NCBP3: variants seen among roughly 807,000 people sequenced by gnomAD.
The protein encoded by NCBP3 is nuclear cap binding subunit 3.
In NCBP3, 20 loss-of-function variants were observed where a neutral mutation model predicts 75.7. The observed-to-expected ratio is 0.26, with a 90% CI of 0.19 to 0.38. The LOEUF (loss-of-function observed/expected upper bound fraction) is 0.38. Ranked by LOEUF, NCBP3 falls within the 10% of genes least tolerant of loss-of-function variation. The pLI is 1.00. For missense variants in NCBP3, 678 were observed against 796.9 expected, an observed-to-expected ratio of 0.85 and a Z score of 1.80; for synonymous variants, 293 against 290.5, an observed-to-expected ratio of 1.01 and a Z score of -0.09.
At chr17:3,822,412 A>AC (rs2053685439) in intron 7 of NCBP3, 1 of 168,842 alleles carries the variant, frequency 5.9e-6, no homozygotes, top group Admixed American at 6.3e-5. Flanking sequence ...CATTTTTGCC[A>AC]CCCCATGAAA....
rs184926481 is a variant in NCBP3 at position 3,835,269 on chromosome 17, T to C, written c.355+4831A>G. ...GAAAGACTGTTCTGATGGGCACAAT[T>C]CCTGGGGAAAAGACCTAAGTGCTTT... On this transcript the variant is annotated intron_variant, in intron 3 of 12. Transcript: ENST00000389005. 1.7e-3 allele frequency among the ~76,000 whole-genome samples: 261 copies of C among 152,342 alleles called. 1 individual carries two copies. The highest frequency in any genetic ancestry group is 5.8e-3 in the African/African-American group (241 of 41,570).
rs2053442228 is a variant in NCBP3, at chr17:3,812,736, C to T, written c.*308G>A. On this transcript the variant is annotated 3_prime_UTR_variant, in exon 13 of 13. Transcript: ENST00000389005. ...TGTAAAACATTTCTTTTAAAAGACACAATGTTAAAAATATTAAGAAAAATG... is the reference window on the plus strand; with the variant it reads ...TGTAAAACATTTCTTTTAAAAGACATAATGTTAAAAATATTAAGAAAAATG... 8.4e-7 allele frequency: 1 copy of T among 1,185,916 alleles called. No homozygotes were observed. Among genetic ancestry groups the T allele is most frequent in the Non-Finnish European group, 1.1e-6 (1 of 950,240 alleles). 73.5% of individuals were successfully genotyped at this position (1,185,916 alleles called of 1,614,324 possible).
chr17:3,844,803 T>C (rs913599507), intron 1 of NCBP3, among the ~76,000 whole-genome samples: 11 of 152,156 alleles, frequency 7.2e-5, no homozygotes, highest in African/African-American at 2.6e-4. Flanking sequence ...TGAGCCAAGA[T>C]CAGGCCATTG....
rs1353880534 is a variant in NCBP3 at position 3,804,947 on chromosome 17, G to C, written c.*8097C>G. On this transcript the variant is annotated 3_prime_UTR_variant, in exon 13 of 13. Transcript: ENST00000389005. Reference sequence around the variant, plus strand: ...ACCACCACAAACTCTCCTGCCTTCAGCTCTTTTGGTGTGTAGACTTTTTTT... The same window carrying C: ...ACCACCACAAACTCTCCTGCCTTCACCTCTTTTGGTGTGTAGACTTTTTTT... 1 of 152,208 alleles carries C rather than the reference G, an allele frequency of 6.6e-6. No individual in the cohort carries two copies. The highest frequency in any genetic ancestry group is 2.4e-5 in the African/African-American group (1 of 41,440). 9.4% of individuals were successfully genotyped at this position (152,208 alleles called of 1,614,324 possible).
chr17:3,822,917 T>C (rs1488651936), intron 7 of NCBP3: 2 of 152,234 alleles, frequency 1.3e-5, no homozygotes, highest in African/African-American at 4.8e-5. Context: ...GCAAGATGTT[T>C]TGTTGTGCCA....
At chr17:3,830,239 T>C (rs2053854427) in intron 3 of NCBP3, among the ~76,000 whole-genome samples, 1 of 152,204 alleles carries the variant, frequency 6.6e-6, no homozygotes, top group Non-Finnish European at 1.5e-5. Context: ...GCTCACGAAG[T>C]AGCTCACACG....
At chr17:3,826,000 T>C in intron 5 of NCBP3, 87 bp downstream of exon 5, 1 of 1,463,288 alleles carries the variant, frequency 6.8e-7, no homozygotes. Context: ...CACTTGGTGA[T>C]GAGATGCTAT....
Position 3,821,994 on chromosome 17 carries a change from A to T in NCBP3, c.855T>A (p.Asn285Lys). 6.2e-7 allele frequency: 1 copy of T among 1,613,292 alleles called. No homozygotes were observed. The highest frequency in any genetic ancestry group is 8.5e-7 in the Non-Finnish European group (1 of 1,179,634). The part of the protein sequence containing the change: ...RRSQYYMKYG[N>K]PNYGGMKGIL... ...TTCCTTTCATGCCTCCATAATTTGG[A>T]TTCCCATATTTCATGTAATACTGAC... The change falls in exon 8 of 13, where the codon AAT becomes AAA. Residue 285 changes from asparagine (N) to lysine (K), a missense_variant. Coordinates refer to ENST00000389005, the MANE Select transcript of NCBP3 (RefSeq NM_001114118.3).
Position 3,811,370 on chromosome 17 carries a change from A to C in NCBP3, c.*1674T>G, listed in dbSNP as rs1015364690. The C allele has an allele frequency of 6.6e-6, 1 of 152,196 alleles. No homozygotes were observed. The highest frequency in any genetic ancestry group is 2.4e-5 in the African/African-American group (1 of 41,438). The allele number at this position is 152,196 out of a possible 1,614,324, so 9.4% of individuals were successfully genotyped here. A position where few individuals can be genotyped will look rare whatever the true frequency, so the allele number is the denominator to read the frequency against. ...AGGGAAAGAAAAGCTGAGAAATCTC[A>C]GATGTCTTAAGTCTCAACTGGCAGA... On this transcript the variant is annotated 3_prime_UTR_variant, in exon 13 of 13. Transcript: ENST00000389005.
At chr17:3,826,468 T>C (rs1006080092) in intron 4 of NCBP3, among the ~76,000 whole-genome samples, 1 of 151,700 alleles carries the variant, frequency 6.6e-6, no homozygotes, top group African/African-American at 2.4e-5. Flanking sequence ...TGACACCCTG[T>C]CTCTACAAAA....
rs1567591781 is a variant in NCBP3, at chr17:3,832,424, A to AGG, written c.356-3057_356-3056insCC. On this transcript the variant is annotated intron_variant, in intron 3 of 12. Coordinates refer to ENST00000389005, the MANE Select transcript of NCBP3 (RefSeq NM_001114118.3). ...CGGGGCGGGCAGATCACAAGGTCAGATCGAGACCATCCTGGCCAACACGGT... is the reference window on the plus strand; with the variant it reads ...CGGGGCGGGCAGATCACAAGGTCAGAGGTCGAGACCATCCTGGCCAACACGGT... 6.0e-5 allele frequency among the ~76,000 whole-genome samples: 7 copies of AGG among 117,610 alleles called. 2 individuals carry two copies. The highest frequency in any genetic ancestry group is 1.2e-4 in the Non-Finnish European group (6 of 49,508). The allele number at this position is 117,610 out of a possible 152,430, so 77.2% of individuals were successfully genotyped here.
intron 4 of NCBP3, among the ~76,000 whole-genome samples, chr17:3,827,718 G>A (rs1395577202): frequency 6.6e-6 from 1 of 152,178 alleles, no homozygotes; most frequent in African/African-American, 2.4e-5. Context: ...TACAAGGTAG[G>A]TGAACTATGT....
At chr17:3,825,892 A>G (rs745834029) in intron 5 of NCBP3, 49 bp from the exon 6 acceptor site, 1 of 1,445,032 alleles carries the variant, frequency 6.9e-7, no homozygotes, top group Non-Finnish European at 9.5e-7. Context: ...AATATTTCAT[A>G]TAATGAGATA....
chr17:3,826,042 AAGAAGAGGACTTTC>A (rs1203820335), intron 5 of NCBP3, 31 bp downstream of exon 5: 2 of 1,536,124 alleles, frequency 1.3e-6, no homozygotes, highest in African/African-American at 1.4e-5. Flanking sequence ...GGACTGTGTA[AAGAAGAGGACTTTC>A]AGACCCCAGT....
Position 3,812,988 on chromosome 17 carries a change from C to T in NCBP3, c.*56G>A. On this transcript the variant is annotated 3_prime_UTR_variant, in exon 13 of 13. Coordinates refer to ENST00000389005, the MANE Select transcript of NCBP3 (RefSeq NM_001114118.3). ...TGCGGGGGAGGTTCCTACTGCGCGCCCCACCCTGTGCAAGAATGTCAGGCT... is the reference window on the plus strand; with the variant it reads ...TGCGGGGGAGGTTCCTACTGCGCGCTCCACCCTGTGCAAGAATGTCAGGCT... 5 of 1,608,868 alleles carry T rather than the reference C, an allele frequency of 3.1e-6. No individual in the cohort carries two copies. Among genetic ancestry groups the T allele is most frequent in the Non-Finnish European group, 3.4e-6 (4 of 1,177,114 alleles).
intron 5 of NCBP3, 108 bp from the exon 6 acceptor site, chr17:3,825,951 T>C (rs2053775892): frequency 1.4e-6 from 2 of 1,406,318 alleles, no homozygotes; most frequent in African/African-American, 1.4e-5. Flanking sequence ...TTTTCTCCTA[T>C]TTCCTGATGA....
chr17:3,813,059 T>A lies in NCBP3; in HGVS notation c.1848A>T (p.Ser616=), dbSNP rs779804884. The part of the protein sequence containing the change: ...IEVSRESSSG[S]EAES ...CCCAGGGGCATCAGGACTCTGCCTCTGAACCAGAGCTGCTTTCCCGACTAA... is the reference window on the plus strand; with the variant it reads ...CCCAGGGGCATCAGGACTCTGCCTCAGAACCAGAGCTGCTTTCCCGACTAA... Residue 616 remains serine (S), a synonymous_variant, in exon 13 of 13, where the codon TCA becomes TCT. Coordinates refer to ENST00000389005, the MANE Select transcript of NCBP3 (RefSeq NM_001114118.3). 14 of 1,614,198 alleles carry A rather than the reference T, an allele frequency of 8.7e-6. No individual in the cohort carries two copies. Among genetic ancestry groups the A allele is most frequent in the East Asian group, 2.2e-5 (1 of 44,870 alleles).
At chr17:3,826,464 C>G (rs2053785321) in intron 4 of NCBP3, among the ~76,000 whole-genome samples, 1 of 151,822 alleles carries the variant, frequency 6.6e-6, no homozygotes, top group Non-Finnish European at 1.5e-5. Flanking sequence ...ATAGTGACAC[C>G]CTGTCTCTAC....
intron 4 of NCBP3, among the ~76,000 whole-genome samples, chr17:3,828,129 G>A (rs1020357153): frequency 2.6e-5 from 4 of 152,192 alleles, no homozygotes; most frequent in Non-Finnish European, 5.9e-5. Flanking sequence ...ACGTTGGCCA[G>A]GCTGGTCTTG....
Sources: allele counts gnomAD v4.1 joint callset (sites outside exome capture counted in the v4.1 genomes callset), GRCh38; gene constraint gnomAD v4.1.1; transcripts MANE v1.5; gene names NCBI Gene and HGNC (gene_info 2026-07-23, HGNC 2026-07-21).